The following CRB1 variants were observed in gnomAD, a reference collection of about 807,000 sequenced individuals.
CRB1 encodes protein crumbs homolog 1.
In CRB1, 83 loss-of-function variants were observed where a neutral mutation model predicts 120.0. The ratio of observed to expected loss-of-function variants is 0.69; its 90% confidence interval spans 0.58 to 0.83. CRB1 has a LOEUF of 0.83. Among genes scored for constraint, CRB1 ranks in the 40% least tolerant of loss-of-function variants. CRB1 has a pLI of 0.00. For missense variants in CRB1, 1,699 were observed against 1,687.6 expected (o/e 1.01, Z -0.12); for synonymous variants, 625 against 612.5 (o/e 1.02, Z -0.30).
intron 1 of CRB1, among the ~76,000 whole-genome samples, chr1:197,321,243 G>A (rs1344686499): frequency 1.3e-5 from 2 of 152,226 alleles, no homozygotes; most frequent in African/African-American, 4.8e-5. Flanking sequence ...AATACACTGG[G>A]CAAGGAGCCA....
At chr1:197,270,810 G>A (rs1654866478) in intron 1 of CRB1, among the ~76,000 whole-genome samples, 1 of 152,182 alleles carries the variant, frequency 6.6e-6, no homozygotes. Context: ...TAGCTTGCAT[G>A]TAGTTATTCC....
At chr1:197,399,285 T>C (rs1233242662) in intron 5 of CRB1, among the ~76,000 whole-genome samples, 1 of 152,188 alleles carries the variant, frequency 6.6e-6, no homozygotes, top group Non-Finnish European at 1.5e-5. Flanking sequence ...TTAGTTTAGT[T>C]GTCATTTTCC....
intron 6 of CRB1, among the ~76,000 whole-genome samples, chr1:197,422,294 G>A (rs1664376462): frequency 6.8e-6 from 1 of 148,076 alleles, no homozygotes; most frequent in Non-Finnish European, 1.5e-5. Flanking sequence ...AATCTTATTT[G>A]AAAGAGAAAT....
At chr1:197,288,896 A>G (rs1298163722) in intron 1 of CRB1, among the ~76,000 whole-genome samples, 1 of 151,742 alleles carries the variant, frequency 6.6e-6, no homozygotes, top group Non-Finnish European at 1.5e-5. Context: ...CCTGAAAAAG[A>G]GAGTGAGAAT....
At chr1:197,464,839 A>AAT (rs1334893178) in intron 11 of CRB1, among the ~76,000 whole-genome samples, 1 of 152,218 alleles carries the variant, frequency 6.6e-6, no homozygotes, top group Non-Finnish European at 1.5e-5. Context: ...TTCTTTCTTA[A>AAT]ATAGATCTCC....
At chr1:197,317,643 A>G (rs1379313624) in intron 1 of CRB1, among the ~76,000 whole-genome samples, 2 of 152,184 alleles carry the variant, frequency 1.3e-5, no homozygotes, top group Non-Finnish European at 2.9e-5. Flanking sequence ...TGGAATAAAA[A>G]TAGACACATA....
At chr1:197,393,521 A>AT (rs35582213) in intron 5 of CRB1, among the ~76,000 whole-genome samples, 50,381 of 151,702 alleles carry the variant, frequency 0.33, 8,757 homozygotes, top group African/African-American at 0.43. Flanking sequence ...AAAAGTAGTC[A>AT]TTTTTTTTGA....
chr1:197,363,030 CTG>C (rs1166079904), intron 5 of CRB1, among the ~76,000 whole-genome samples: 2 of 151,678 alleles, frequency 1.3e-5, no homozygotes, highest in African/African-American at 4.8e-5. Flanking sequence ...ATATATTACT[CTG>C]TGTAATTTTC....
intron 1 of CRB1, among the ~76,000 whole-genome samples, chr1:197,294,696 C>T (rs535558143): frequency 2.0e-5 from 3 of 152,168 alleles, no homozygotes; most frequent in Admixed American, 2.0e-4. Context: ...GAAAATGTGG[C>T]ACATATACAC....
rs148798798 is a variant in CRB1 at position 197,446,727 on chromosome 1, G to C, written c.4005+4435G>C. On this transcript the variant is annotated intron_variant, in intron 11 of 11. Coordinates refer to ENST00000367400, the MANE Select transcript of CRB1 (RefSeq NM_201253.3). The stretch of plus-strand genomic sequence containing the variant: ...ATTTGCACTACCATATATAGTTGTA[G>C]AGAAGATAGATTTTAAAAGTTTGAA... Among the ~76,000 whole-genome samples the C allele has an allele frequency of 1.4e-3, 210 of 152,312 alleles. 3 individuals are homozygous for C. The highest frequency in any genetic ancestry group is 4.9e-3 in the African/African-American group (204 of 41,564).
At chr1:197,290,306 T>TGTGTG (rs1558032615) in intron 1 of CRB1, among the ~76,000 whole-genome samples, 6 of 80,160 alleles carry the variant, frequency 7.5e-5, no homozygotes, top group African/African-American at 1.5e-4. Context: ...GTGTGTGTGT[T>TGTGTG]TGAAGAGAAG....
chr1:197,444,395 T>C (rs948872678), intron 11 of CRB1: 2 of 152,228 alleles, frequency 1.3e-5, no homozygotes, highest in Non-Finnish European at 2.9e-5. Flanking sequence ...AGATGATTTG[T>C]TCCAAAGTTA....
intron 1 of CRB1, among the ~76,000 whole-genome samples, chr1:197,317,854 A>G (rs1488580932): frequency 6.6e-6 from 1 of 152,208 alleles, no homozygotes; most frequent in Non-Finnish European, 1.5e-5. Flanking sequence ...CTCAAAATTG[A>G]TTAAAGACTT....
chr1:197,450,314 A>G (rs79996535), intron 11 of CRB1, among the ~76,000 whole-genome samples: 1,903 of 152,320 alleles, frequency 0.012, 49 homozygotes, highest in African/African-American at 0.044. Flanking sequence ...CACTGACCAC[A>G]TCAATTCAGA....
intron 1 of CRB1, among the ~76,000 whole-genome samples, chr1:197,275,130 C>G (rs1016153510): frequency 2.6e-5 from 4 of 151,948 alleles, no homozygotes; most frequent in African/African-American, 9.7e-5. Context: ...CTTTATCTGT[C>G]TACCTCTCTT....
chr1:197,357,029 T>C lies in CRB1; in HGVS notation c.1171+16T>C, dbSNP rs372644240. The C allele has an allele frequency of 5.6e-6, 9 of 1,613,598 alleles. No individual in the cohort carries two copies. Among genetic ancestry groups the C allele is most frequent in the Non-Finnish European group, 6.8e-6 (8 of 1,179,586 alleles). On this transcript the variant is annotated intron_variant, in intron 5 of 11. Transcript: ENST00000367400. ...GGATTCACAGGTGAGGCCAAGGAGA[T>C]GGGATATGACTTGACTTTCTGGTAT...
At chr1:197,227,585 A>C in the CRB1 span, among the ~76,000 whole-genome samples, 2 of 152,134 alleles carry the variant, frequency 1.3e-5, no homozygotes, top group East Asian at 3.9e-4. Context: ...TGCAGGGTAT[A>C]GCCCCCCTCC....
chr1:197,291,302 T>C (rs987023890), intron 1 of CRB1, among the ~76,000 whole-genome samples: 23 of 151,900 alleles, frequency 1.5e-4, no homozygotes, highest in Middle Eastern at 3.2e-3. Flanking sequence ...AATTGATTTT[T>C]ACTTTATTCA....
intron 1 of CRB1, among the ~76,000 whole-genome samples, chr1:197,327,044 G>A (rs563019111): frequency 7.1e-5 from 10 of 140,028 alleles, no homozygotes; most frequent in African/African-American, 2.4e-4. Context: ...AAACACTTAC[G>A]ATGTGTCTGC....
Sources: gnomAD v4.1 joint callset for allele counts (sites outside exome capture counted in the v4.1 genomes callset) on GRCh38, gnomAD v4.1.1 for gene constraint, MANE v1.5 for transcripts, NCBI Gene and HGNC (gene_info 2026-07-23, HGNC 2026-07-21) for gene names.